Variants in NRXN3 observed in about 807,000 individuals in gnomAD.
NRXN3 encodes the protein neurexin III.
A neutral mutation model predicts 137.6 loss-of-function variants in NRXN3; 32 were observed. The ratio of observed to expected loss-of-function variants is 0.23; its 90% CI spans 0.18 to 0.31. The LOEUF (loss-of-function observed/expected upper bound fraction) is 0.31, where lower values mean the gene tolerates loss of function less well. Among genes scored for constraint, NRXN3 ranks in the 10% least tolerant of loss-of-function variants. The pLI, the probability that NRXN3 is intolerant of heterozygous loss-of-function variation, is 1.00. For synonymous variants in NRXN3, 798 were observed against 784.5 expected (o/e 1.02, Z -0.29); for missense variants, 1,574 against 2,062.5 (o/e 0.76, Z 4.59).
intron 4 of NRXN3, among the ~76,000 whole-genome samples, chr14:78,597,552 C>G (rs1035932041): frequency 2.0e-5 from 3 of 152,182 alleles, no homozygotes; most frequent in African/African-American, 7.2e-5. Flanking sequence ...CCTCAGGCCT[C>G]AATCTGGCTC....
At chr14:78,867,665 A>G (rs1233334432) in intron 10 of NRXN3, among the ~76,000 whole-genome samples, 1 of 152,160 alleles carries the variant, frequency 6.6e-6, no homozygotes, top group African/African-American at 2.4e-5. Context: ...CTGGAGGAAA[A>G]GAATGTCCTT....
At chr14:78,908,698 TAAG>T (rs1597257551) in intron 10 of NRXN3, among the ~76,000 whole-genome samples, 1 of 152,028 alleles carries the variant, frequency 6.6e-6, no homozygotes, top group Non-Finnish European at 1.5e-5. Flanking sequence ...CTAAGAAGGA[TAAG>T]ACATTGGTTT....
intron 16 of NRXN3, among the ~76,000 whole-genome samples, chr14:79,501,495 G>A (rs1055943886): frequency 6.6e-6 from 1 of 152,168 alleles, no homozygotes; most frequent in Non-Finnish European, 1.5e-5. Context: ...TAAGCTAAGG[G>A]TTAGGAAAAC....
intron 6 of NRXN3, among the ~76,000 whole-genome samples, chr14:78,667,006 G>A (rs370737780): frequency 3.9e-5 from 6 of 152,008 alleles, no homozygotes; most frequent in African/African-American, 1.5e-4. Context: ...TTGTTTATTT[G>A]GTTCTTCTAG....
At chr14:79,316,989 G>A (rs957261474) in intron 15 of NRXN3, among the ~76,000 whole-genome samples, 1 of 152,022 alleles carries the variant, frequency 6.6e-6, no homozygotes, top group South Asian at 2.1e-4. Flanking sequence ...CCAGCACTTT[G>A]GGAGGCTGAG....
chr14:79,592,234 G>T (rs1258357955), intron 16 of NRXN3, among the ~76,000 whole-genome samples: 4 of 152,126 alleles, frequency 2.6e-5, no homozygotes, highest in Non-Finnish European at 4.4e-5. Flanking sequence ...AGACTCAGCG[G>T]ATTGCTTTTT....
At chr14:79,346,068 G>GT (rs372288052) in intron 15 of NRXN3, among the ~76,000 whole-genome samples, 1 of 152,098 alleles carries the variant, frequency 6.6e-6, no homozygotes, top group South Asian at 2.1e-4. Flanking sequence ...TCTTGCTTCA[G>GT]TTTTTTTCCT....
chr14:79,092,917 C>T (rs2049480197), intron 15 of NRXN3, among the ~76,000 whole-genome samples: 1 of 152,176 alleles, frequency 6.6e-6, no homozygotes, highest in Admixed American at 6.5e-5. Flanking sequence ...TCTGAGGAGT[C>T]TAACCCTGAG....
chr14:79,115,761 G>T (rs1320763644), intron 15 of NRXN3, among the ~76,000 whole-genome samples: 1 of 152,132 alleles, frequency 6.6e-6, no homozygotes, highest in African/African-American at 2.4e-5. Context: ...TCACACATAT[G>T]ATCAGTCTTT....
At chr14:78,524,658 A>G (rs927903894) in intron 4 of NRXN3, among the ~76,000 whole-genome samples, 9 of 152,194 alleles carry the variant, frequency 5.9e-5, no homozygotes, top group African/African-American at 1.9e-4. Flanking sequence ...GTTAAAACAC[A>G]TCACTCTGAA....
At chr14:79,175,981 G>A (rs1204446720) in intron 15 of NRXN3, among the ~76,000 whole-genome samples, 1 of 152,196 alleles carries the variant, frequency 6.6e-6, no homozygotes, top group East Asian at 1.9e-4. Flanking sequence ...TAAAAGAGGT[G>A]TTGTTGCTTC....
chr14:79,156,671 T>C (rs2060280249), intron 15 of NRXN3, among the ~76,000 whole-genome samples: 2 of 151,956 alleles, frequency 1.3e-5, no homozygotes, highest in Non-Finnish European at 2.9e-5. Context: ...TAGACTGAGG[T>C]TCTGAGAGAT....
At chr14:78,442,560 G>A (rs932175731) in intron 4 of NRXN3, among the ~76,000 whole-genome samples, 1 of 152,210 alleles carries the variant, frequency 6.6e-6, no homozygotes, top group South Asian at 2.1e-4. Context: ...TGTTACAGTA[G>A]CCCTAGGAAA....
At chr14:78,553,058 T>A (rs531377216) in intron 4 of NRXN3, among the ~76,000 whole-genome samples, 10 of 152,352 alleles carry the variant, frequency 6.6e-5, no homozygotes, top group Non-Finnish European at 1.0e-4. Flanking sequence ...ACTATTTTAA[T>A]TAATCATCAT....
intron 15 of NRXN3, among the ~76,000 whole-genome samples, chr14:79,022,904 C>A (rs2099591975): frequency 6.6e-6 from 1 of 152,060 alleles, no homozygotes; most frequent in South Asian, 2.1e-4. Flanking sequence ...GAACAGCAGG[C>A]AAAGGCCTTT....
intron 20 of NRXN3, among the ~76,000 whole-genome samples, chr14:79,835,104 C>A (rs1015389647): frequency 6.6e-6 from 1 of 152,058 alleles, no homozygotes; most frequent in Non-Finnish European, 1.5e-5. Flanking sequence ...TTCAAGAGAT[C>A]TATTGCACAA....
intron 4 of NRXN3, among the ~76,000 whole-genome samples, chr14:78,516,757 AT>A (rs1394661541): frequency 6.6e-6 from 1 of 152,088 alleles, no homozygotes; most frequent in South Asian, 2.1e-4. Flanking sequence ...TATTTGAGAG[AT>A]TTTTTTGAGA....
chr14:79,295,106 G>A (rs893005691), intron 15 of NRXN3, among the ~76,000 whole-genome samples: 4 of 151,974 alleles, frequency 2.6e-5, no homozygotes, highest in Non-Finnish European at 5.9e-5. Flanking sequence ...TTATGATCTG[G>A]CCCCTGTGTA....
At chr14:79,707,199 T>C (rs1333750107) in intron 19 of NRXN3, among the ~76,000 whole-genome samples, 5 of 152,192 alleles carry the variant, frequency 3.3e-5, no homozygotes, top group Admixed American at 3.3e-4. Context: ...CCTAGAATGG[T>C]GCCTGCCACA....
Sources: gnomAD v4.1 joint callset for allele counts (sites outside exome capture counted in the v4.1 genomes callset) on GRCh38, gnomAD v4.1.1 for gene constraint, MANE v1.5 for transcripts, NCBI Gene and HGNC (gene_info 2026-07-23, HGNC 2026-07-21) for gene names.